Variants in SLC36A3 observed in about 807,000 individuals in gnomAD.
SLC36A3 encodes the protein solute carrier family 36 member 3, also known as proton-coupled amino acid transporter 3.
A neutral mutation model predicts 44.3 loss-of-function variants in SLC36A3; 35 were observed. The ratio of observed to expected loss-of-function variants is 0.79; its 90% CI spans 0.60 to 1.05. The LOEUF (loss-of-function observed/expected upper bound fraction) is 1.05. SLC36A3 is among the 50% of genes least tolerant of loss of function. SLC36A3 has a pLI of 0.00. For missense variants in SLC36A3, 540 were observed against 578.7 expected (o/e 0.93, Z 0.69); for synonymous variants, 211 against 227.6 (o/e 0.93, Z 0.66).
chr5:151,287,007 C>G (rs565885648), intron 6 of SLC36A3, among the ~76,000 whole-genome samples: 1 of 151,564 alleles, frequency 6.6e-6, no homozygotes, highest in South Asian at 2.1e-4. Flanking sequence ...TTGAATGACC[C>G]ATTATTATCC....
chr5:151,298,816 A>C, intron 1 of SLC36A3, 133 bp from the exon 2 acceptor site: 1 of 751,692 alleles, frequency 1.3e-6, no homozygotes, highest in Non-Finnish European at 2.2e-6. Context: ...GTGGACTTGG[A>C]GACAACTCTC....
At chr5:151,290,921 A>G (rs1278436749) in intron 4 of SLC36A3, among the ~76,000 whole-genome samples, 1 of 152,066 alleles carries the variant, frequency 6.6e-6, no homozygotes, top group Non-Finnish European at 1.5e-5. Flanking sequence ...TAGCTGTAAT[A>G]GATAATAACT....
chr5:151,279,799 G>A (rs1485483711), intron 9 of SLC36A3, among the ~76,000 whole-genome samples: 3 of 152,142 alleles, frequency 2.0e-5, no homozygotes, highest in African/African-American at 7.2e-5. Flanking sequence ...TCCAAGCATT[G>A]CATAGTTTCT....
intron 6 of SLC36A3, among the ~76,000 whole-genome samples, chr5:151,286,533 C>T (rs1754541308): frequency 6.6e-6 from 1 of 152,142 alleles, no homozygotes; most frequent in Non-Finnish European, 1.5e-5. Flanking sequence ...CTTAAGCAAC[C>T]CTCCCACCTC....
At chr5:151,289,108 C>T (rs1318784475) in intron 4 of SLC36A3, 1 of 152,980 alleles carries the variant, frequency 6.5e-6, no homozygotes, top group African/African-American at 2.4e-5. Flanking sequence ...AATACTTAAA[C>T]CCTAAATTCT....
intron 8 of SLC36A3, among the ~76,000 whole-genome samples, chr5:151,282,501 G>A (rs930199532): frequency 6.6e-6 from 1 of 152,024 alleles, no homozygotes; most frequent in African/African-American, 2.4e-5. Context: ...ATTGTTCCCT[G>A]CCAGTACACA....
At chr5:151,289,690 C>T (rs1428902602) in intron 4 of SLC36A3, among the ~76,000 whole-genome samples, 1 of 152,084 alleles carries the variant, frequency 6.6e-6, no homozygotes, top group Non-Finnish European at 1.5e-5. Context: ...TTATAGAACG[C>T]CCCACATTGC....
rs1289049717 is a variant in SLC36A3 at position 151,281,003 on chromosome 5, A to G, written c.1144+11T>C. The G allele has an allele frequency of 3.1e-6, 5 of 1,613,862 alleles. No homozygotes were observed. The highest frequency in any genetic ancestry group is 4.5e-5 in the East Asian group (2 of 44,874). The stretch of plus-strand genomic sequence containing the variant: ...AGCTTTGGGTAAAGAGTGCCCTTTT[A>G]TGCTACTCACAGGTTAGACAGACCA... On this transcript the variant is annotated intron_variant, in intron 9 of 9. Transcript: ENST00000335230.
intron 1 of SLC36A3, among the ~76,000 whole-genome samples, chr5:151,300,864 G>A (rs1012715329): frequency 1.3e-4 from 20 of 152,074 alleles, no homozygotes; most frequent in African/African-American, 3.4e-4. Flanking sequence ...TAAATGCACC[G>A]AATTTTACAT....
Position 151,303,473 on chromosome 5 carries a change from G to T in SLC36A3, c.-119C>A. 8.9e-7 allele frequency: 1 copy of T among 1,128,744 alleles called. No individual in the cohort carries two copies. The highest frequency in any genetic ancestry group is 1.7e-5 in the South Asian group (1 of 59,430). The allele number at this position is 1,128,744 out of a possible 1,614,324, so 69.9% of individuals were successfully genotyped here. On this transcript the variant is annotated 5_prime_UTR_variant, in exon 1 of 10. Coordinates refer to ENST00000335230, the MANE Select transcript of SLC36A3 (RefSeq NM_181774.4). The stretch of plus-strand genomic sequence containing the variant: ...CTGAGATGCTGGCTCCTAACCCCAA[G>T]GATGCGTGCTGCTGGCTGAAGCCTG...
In SLC36A3 at chr5:151,296,135, C is replaced by T. The variant is rs369671649; in HGVS notation, c.308+45G>A. On this transcript the variant is annotated intron_variant, in intron 3 of 9. Coordinates refer to ENST00000335230, the MANE Select transcript of SLC36A3 (RefSeq NM_181774.4). ...GGTCAAAAGAAGAGCAACACACCCT[C>T]AGAGGGGCCCCAGTGCTGGAATGAG... The T allele has an allele frequency of 9.4e-6, 15 of 1,596,372 alleles. No individual in the cohort carries two copies. In the Admixed American group the frequency reaches 1.2e-4, roughly 12 times the overall value.
chr5:151,300,137 G>T (rs1273986222), intron 1 of SLC36A3, among the ~76,000 whole-genome samples: 3 of 152,236 alleles, frequency 2.0e-5, no homozygotes, highest in Admixed American at 2.0e-4. Flanking sequence ...ATGCCCTCTT[G>T]CCACACTTAA....
intron 4 of SLC36A3, among the ~76,000 whole-genome samples, chr5:151,291,388 T>C (rs562148205): frequency 6.6e-6 from 1 of 152,370 alleles, no homozygotes; most frequent in South Asian, 2.1e-4. Context: ...ACACATTGTA[T>C]TTTGTTAAGT....
At position 151,276,715 on chromosome 5, in the gene SLC36A3, G is replaced by A. The variant is rs888103517; in HGVS notation, c.*678C>T. 6 of 152,506 alleles carry A rather than the reference G, an allele frequency of 3.9e-5. No homozygotes were observed. The highest frequency in any genetic ancestry group is 2.0e-4 in the Admixed American group (3 of 15,318). 9.4% of individuals were successfully genotyped at this position (152,506 alleles called of 1,614,324 possible). ...TTCTATCCACATAGCAGGGTATGGA[G>A]TTTCAGTTACTCCACCTCCTCACCA... On this transcript the variant is annotated 3_prime_UTR_variant, in exon 10 of 10. Transcript: ENST00000335230.
At chr5:151,296,367 A>G in intron 2 of SLC36A3, 99 bp from the exon 3 acceptor site, 1 of 1,017,340 alleles carries the variant, frequency 9.8e-7, no homozygotes, top group South Asian at 1.4e-5. Context: ...TGCATAATAA[A>G]ACTGTCTTTG....
rs1754691164 is a variant in SLC36A3 at position 151,289,882 on chromosome 5, C to T, written c.405-1412G>A. 3.9e-5 allele frequency among the ~76,000 whole-genome samples: 6 copies of T among 152,176 alleles called. No individual in the cohort carries two copies. In the South Asian group the frequency reaches 1.2e-3, roughly 32 times the overall value. On this transcript the variant is annotated intron_variant, in intron 4 of 9. Transcript: ENST00000335230. Reference sequence around the variant, plus strand: ...GAAATGTACATTTTCCCTTTGTAATCTGTGGGGTAAAACTTTGAGATGGCA... The same window carrying T: ...GAAATGTACATTTTCCCTTTGTAATTTGTGGGGTAAAACTTTGAGATGGCA...
intron 9 of SLC36A3, among the ~76,000 whole-genome samples, chr5:151,279,572 A>T (rs535726597): frequency 6.6e-6 from 1 of 152,202 alleles, no homozygotes; most frequent in Non-Finnish European, 1.5e-5. Flanking sequence ...GTCTCTAGTC[A>T]TGCATTCCCT....
rs185451669 is a variant in SLC36A3 at position 151,276,989 on chromosome 5, G to A, written c.*404C>T. ...CTCTTCTACTTAGAATATCTAAATA[G>A]AAAACTCCCTTCGCCCAACATACAC... On this transcript the variant is annotated 3_prime_UTR_variant, in exon 10 of 10. Transcript: ENST00000335230. The A allele has an allele frequency of 2.8e-3, 533 of 189,726 alleles. 1 individual carries two copies. The highest frequency in any genetic ancestry group is 5.3e-3 in the Middle Eastern group (2 of 376). 11.8% of individuals were successfully genotyped at this position (189,726 alleles called of 1,614,324 possible). A position where few individuals can be genotyped will look rare whatever the true frequency, so the allele number is the denominator to read the frequency against.
intron 1 of SLC36A3, among the ~76,000 whole-genome samples, chr5:151,300,802 G>A (rs1012349002): frequency 1.3e-5 from 2 of 152,172 alleles, no homozygotes; most frequent in African/African-American, 4.8e-5. Flanking sequence ...CCCACCAATG[G>A]AAAATAACCA....
Sources: gnomAD v4.1 joint callset for allele counts (sites outside exome capture counted in the v4.1 genomes callset) on GRCh38, gnomAD v4.1.1 for gene constraint, MANE v1.5 for transcripts, NCBI Gene and HGNC (gene_info 2026-07-23, HGNC 2026-07-21) for gene names.